The following GBP7 variants were observed in gnomAD, a reference collection of about 807,000 sequenced individuals.
GBP7 encodes guanylate binding protein 7, also known as guanylate-binding protein 7.
Under a neutral mutation model 61.3 loss-of-function variants are expected in GBP7, and 43 were observed. The ratio of observed to expected loss-of-function variants is 0.70; its 90% confidence interval spans 0.55 to 0.91. The LOEUF (loss-of-function observed/expected upper bound fraction) is 0.91, where lower values mean the gene tolerates loss of function less well. GBP7 is among the 40% of genes least tolerant of loss of function. The pLI is 0.00. For missense variants in GBP7, 717 were observed against 740.5 expected (o/e 0.97, Z 0.37); for synonymous variants, 267 against 271.0 (o/e 0.99, Z 0.14).
At chr1:89,145,344 C>G (rs1213904505) in intron 8 of GBP7, among the ~76,000 whole-genome samples, 1 of 152,126 alleles carries the variant, frequency 6.6e-6, no homozygotes, top group Non-Finnish European at 1.5e-5. Flanking sequence ...ATAATGTCCT[C>G]CAGGTTCATT....
chr1:89,150,443 C>T lies in GBP7; in HGVS notation c.758G>A (p.Arg253Gln), dbSNP rs746787527. Residue 253 changes from arginine to glutamine, a missense_variant, in exon 6 of 11, where the codon CGA becomes CAA. This residue lies in a region of GBP7 where 387 missense variants were observed against 385.2 expected (regional missense o/e 1.00). Transcript: ENST00000294671. ...GAAATTACTATCCAGTTGGTCTTCT[C>T]GTACTTCTTCAACATGGAGTAAGAG... ...KKLLLHVEEV[R>Q]EDQLDSNFQM... is the part of the protein sequence containing the mutation. 12 of 1,613,934 alleles carry T rather than the reference C, an allele frequency of 7.4e-6. No individual in the cohort carries two copies. The highest frequency in any genetic ancestry group is 1.3e-5 in the African/African-American group (1 of 74,908).
chr1:89,151,327 A>G (rs1682192106), intron 5 of GBP7, among the ~76,000 whole-genome samples: 1 of 152,196 alleles, frequency 6.6e-6, no homozygotes, highest in African/African-American at 2.4e-5. Context: ...GTTTCTGGCT[A>G]ATATTACATA....
intron 1 of GBP7, 142 bp downstream of exon 1, chr1:89,175,779 C>T (rs1450000004): frequency 6.6e-6 from 1 of 152,220 alleles, no homozygotes; most frequent in Non-Finnish European, 1.5e-5. Flanking sequence ...CTAAGGTACA[C>T]ACAGCCACCT....
chr1:89,158,798 T>C (rs1188538605), intron 3 of GBP7, among the ~76,000 whole-genome samples: 2 of 152,118 alleles, frequency 1.3e-5, no homozygotes, highest in African/African-American at 4.8e-5. Flanking sequence ...AGGTAATTTA[T>C]AGATTCAATG....
At chr1:89,134,657 T>C (rs1409019192) in intron 9 of GBP7, among the ~76,000 whole-genome samples, 1 of 148,252 alleles carries the variant, frequency 6.7e-6, no homozygotes, top group Non-Finnish European at 1.5e-5. Flanking sequence ...CAGTTGAATC[T>C]TCAAGAGAAT....
At chr1:89,173,877 T>C (rs958231447) in intron 1 of GBP7, among the ~76,000 whole-genome samples, 2 of 152,226 alleles carry the variant, frequency 1.3e-5, no homozygotes, top group Admixed American at 6.5e-5. Flanking sequence ...CCACTCACAT[T>C]GCAGTGGTCT....
In GBP7 at chr1:89,144,286, G is replaced by A. The variant is rs151190819; in HGVS notation, c.1366-2638C>T. On this transcript the variant is annotated intron_variant, in intron 8 of 10. Coordinates refer to ENST00000294671, the MANE Select transcript of GBP7 (RefSeq NM_207398.3). ...AAAATCCAGTCTACTATTGATGGGC[G>A]CATAGGTTGATTCTGTGTCTTTGCT... Among the ~76,000 whole-genome samples the A allele has an allele frequency of 2.0e-4, 31 of 152,252 alleles. No individual in the cohort carries two copies. The East Asian group carries it at 3.9e-3, about 19-fold the overall frequency.
At chr1:89,160,259 T>C (rs1051398242) in intron 3 of GBP7, among the ~76,000 whole-genome samples, 2 of 151,740 alleles carry the variant, frequency 1.3e-5, no homozygotes, top group African/African-American at 4.8e-5. Context: ...ATACCTAATG[T>C]AAATGACAAG....
rs576718559 is a variant in GBP7, at chr1:89,163,337, G to A, written c.318+1394C>T. Among the ~76,000 whole-genome samples, 54 of 151,590 alleles carry A rather than the reference G, an allele frequency of 3.6e-4. 1 individual carries two copies. Among genetic ancestry groups the A allele is most frequent in the Middle Eastern group, 3.5e-3 (1 of 286 alleles). On this transcript the variant is annotated intron_variant, in intron 3 of 10. Coordinates refer to ENST00000294671, the MANE Select transcript of GBP7 (RefSeq NM_207398.3). ...TTTTTGGAATATTTTCAGTAGGAAT[G>A]CTACCAGCTTTTCTTTGTACATCTG... is the stretch of plus-strand genomic sequence containing the variant.
chr1:89,136,228 C>T lies in GBP7; in HGVS notation c.1469-2777G>A, dbSNP rs547830784. On this transcript the variant is annotated intron_variant, in intron 9 of 10. Transcript: ENST00000294671. ...ACAATAATAGTTGGAGTCTTCAACA[C>T]TCCACTGACAATATTAGACAGATCA... Among the ~76,000 whole-genome samples the T allele has an allele frequency of 7.9e-5, 12 of 152,286 alleles. No individual in the cohort carries two copies. The South Asian group carries it at 2.5e-3, about 32-fold the overall frequency.
intron 3 of GBP7, among the ~76,000 whole-genome samples, chr1:89,155,697 T>C (rs938325451): frequency 5.3e-5 from 8 of 152,106 alleles, no homozygotes; most frequent in Admixed American, 1.3e-4. Context: ...CCAAGAAATA[T>C]GGGACCATGT....
chr1:89,167,741 G>A (rs932008003), intron 2 of GBP7, among the ~76,000 whole-genome samples: 21 of 152,336 alleles, frequency 1.4e-4, no homozygotes, highest in South Asian at 2.1e-4. Flanking sequence ...CAGGGAAAAT[G>A]TGGTCATGGG....
At chr1:89,160,335 A>T (rs925720683) in intron 3 of GBP7, among the ~76,000 whole-genome samples, 10 of 152,200 alleles carry the variant, frequency 6.6e-5, no homozygotes, top group Non-Finnish European at 1.5e-4. Context: ...CATTGTGCAC[A>T]TGTACCCTAG....
chr1:89,172,018 A>G lies in GBP7; in HGVS notation c.-19-64T>C, dbSNP rs1052596381. 3.6e-6 allele frequency: 4 copies of G among 1,108,276 alleles called. No individual in the cohort carries two copies. In the African/African-American group the frequency reaches 4.7e-5, roughly 13 times the overall value. 68.7% of individuals were successfully genotyped at this position (1,108,276 alleles called of 1,614,324 possible). The stretch of plus-strand genomic sequence containing the variant: ...AGTCAGTTGAGCTGAAATCTATAAT[A>G]GGGCATAAATCTTTGTTTTCTATTC... On this transcript the variant is annotated intron_variant, in intron 1 of 10. Transcript: ENST00000294671.
intron 9 of GBP7, among the ~76,000 whole-genome samples, chr1:89,138,546 T>C (rs1026970356): frequency 5.1e-4 from 78 of 152,270 alleles, no homozygotes; most frequent in Non-Finnish European, 3.2e-4. Context: ...AACTATCTGA[T>C]CTTTGGTAAA....
chr1:89,163,213 T>C (rs1192175508), intron 3 of GBP7, among the ~76,000 whole-genome samples: 3 of 152,194 alleles, frequency 2.0e-5, no homozygotes, highest in Admixed American at 6.5e-5. Context: ...GATATTGGCC[T>C]GAAATTTTCT....
At chr1:89,133,937 C>T (rs1165197575) in intron 9 of GBP7, among the ~76,000 whole-genome samples, 1 of 152,162 alleles carries the variant, frequency 6.6e-6, no homozygotes, top group Non-Finnish European at 1.5e-5. Context: ...TCCCATCCCC[C>T]AAGGCTTGCC....
At chr1:89,146,215 C>G (rs148350392) in intron 8 of GBP7, among the ~76,000 whole-genome samples, 81 of 152,260 alleles carry the variant, frequency 5.3e-4, no homozygotes, top group African/African-American at 1.9e-3. Context: ...AAGATAGTAT[C>G]TTTAATAAAT....
At chr1:89,142,758 T>A (rs1474714593) in intron 8 of GBP7, among the ~76,000 whole-genome samples, 1 of 143,296 alleles carries the variant, frequency 7.0e-6, no homozygotes, top group Non-Finnish European at 1.5e-5. Context: ...CTAGGCATTT[T>A]TTGACGGTTA....
Sources: gnomAD v4.1 joint callset for allele counts (sites outside exome capture counted in the v4.1 genomes callset) on GRCh38, gnomAD v4.1.1 for gene constraint, gnomAD v4.1.1 regional missense constraint, MANE v1.5 for transcripts, NCBI Gene and HGNC (gene_info 2026-07-23, HGNC 2026-07-21) for gene names.